The following CCDC171 variants were observed in gnomAD, a reference collection of about 807,000 sequenced individuals.
CCDC171 encodes coiled-coil domain-containing protein 171.
Under a neutral mutation model 168.2 loss-of-function variants are expected in CCDC171, and 177 were observed. The observed-to-expected ratio is 1.05, with a 90% CI of 0.93 to 1.19. The LOEUF (loss-of-function observed/expected upper bound fraction) is 1.19, where lower values mean the gene tolerates loss of function less well. Among genes scored for constraint, CCDC171 ranks in the 50% most tolerant of loss-of-function variants. CCDC171 has a pLI of 0.00. For missense variants in CCDC171, 1,991 were observed against 1,539.0 expected (o/e 1.29, Z -4.91); for synonymous variants, 687 against 540.8 (o/e 1.27, Z -3.75).
In CCDC171 at chr9:15,817,829, C is replaced by T. The variant is rs1406225432; in HGVS notation, c.3268-28873C>T. ...TGCAGACTTAAATGTCCCTGTCTGA[C>T]AGCTTTGAAGAGAGTAGTGGTTCTC... On this transcript the variant is annotated intron_variant, in intron 21 of 25. Coordinates refer to ENST00000380701, the MANE Select transcript of CCDC171 (RefSeq NM_173550.4). Among the ~76,000 whole-genome samples the T allele has an allele frequency of 7.6e-5, 9 of 118,346 alleles. 2 individuals are homozygous for T. Among genetic ancestry groups the T allele is most frequent in the African/African-American group, 2.9e-4 (9 of 31,564 alleles). 77.6% of individuals were successfully genotyped at this position (118,346 alleles called of 152,430 possible).
chr9:15,661,291 A>C (rs1036907051), intron 8 of CCDC171, among the ~76,000 whole-genome samples: 1 of 146,822 alleles, frequency 6.8e-6, no homozygotes, highest in African/African-American at 2.6e-5. Context: ...AAAAAAAAAA[A>C]AAAAAAAAAG....
At position 15,779,673 on chromosome 9, in the gene CCDC171, T is replaced by C. The variant is rs143718122; in HGVS notation, c.3081+523T>C. ...CTGCACCTGGCCTCTTCTCTTCTTA[T>C]ATTGAATATTTTGAGTAAATTAGAT... On this transcript the variant is annotated intron_variant, in intron 20 of 25. Transcript: ENST00000380701. Among the ~76,000 whole-genome samples, 215 of 152,340 alleles carry C rather than the reference T, an allele frequency of 1.4e-3. 2 individuals are homozygous for C. The highest frequency in any genetic ancestry group is 6.8e-3 in the Middle Eastern group (2 of 294).
chr9:15,878,656 C>T (rs1049169434), intron 24 of CCDC171, among the ~76,000 whole-genome samples: 1 of 152,112 alleles, frequency 6.6e-6, no homozygotes, highest in African/African-American at 2.4e-5. Flanking sequence ...ACAAATTGTT[C>T]TACCATAAAG....
chr9:15,943,182 A>G (rs974736776), intron 25 of CCDC171, among the ~76,000 whole-genome samples: 8 of 152,022 alleles, frequency 5.3e-5, no homozygotes, highest in African/African-American at 7.2e-5. Context: ...TGTCACTGAT[A>G]TATTTAATTC....
intron 14 of CCDC171, among the ~76,000 whole-genome samples, chr9:15,725,759 T>C (rs1420460664): frequency 6.6e-6 from 1 of 152,196 alleles, no homozygotes; most frequent in Non-Finnish European, 1.5e-5. Context: ...CTAGTTTCCT[T>C]ATTTGTAAAA....
At chr9:15,852,619 A>G (rs1475229117) in intron 23 of CCDC171, among the ~76,000 whole-genome samples, 1 of 151,670 alleles carries the variant, frequency 6.6e-6, no homozygotes, top group Non-Finnish European at 1.5e-5. Context: ...GCTGCTGCTT[A>G]TGTGTTTGGC....
intron 21 of CCDC171, among the ~76,000 whole-genome samples, chr9:15,809,084 C>T (rs1386792731): frequency 2.0e-5 from 3 of 152,056 alleles, no homozygotes; most frequent in Non-Finnish European, 4.4e-5. Context: ...TCCCAAAAGC[C>T]CCACCTTTTA....
Position 15,745,548 on chromosome 9 carries a change from C to G in CCDC171, c.2588C>G (p.Ala863Gly), listed in dbSNP as rs544298455. 3 of 1,587,988 alleles carry G rather than the reference C, an allele frequency of 1.9e-6. No homozygotes were observed. In the African/African-American group the frequency reaches 4.1e-5, roughly 22 times the overall value. ...AAGGAGCAGTTGCGTTGTTTACAAG[C>G]GCTCAGTTGGCTCACCAGTTCTGAC... The part of the protein sequence containing the change: ...HQKEQLRCLQ[A>G]LSWLTSSDLL... Residue 863 changes from alanine (A) to glycine (G), a missense_variant, in exon 18 of 26, where the codon GCG becomes GGG. Physicochemically the swap from Ala to Gly is moderately conservative, Grantham distance 60. Coordinates refer to ENST00000380701, the MANE Select transcript of CCDC171 (RefSeq NM_173550.4).
At chr9:15,752,768 A>G (rs2055843674) in intron 18 of CCDC171, among the ~76,000 whole-genome samples, 2 of 152,154 alleles carry the variant, frequency 1.3e-5, no homozygotes, top group South Asian at 4.1e-4. Flanking sequence ...GAGGGATAGC[A>G]TTAGGAGAAA....
chr9:15,557,538 T>C (rs1432595696), intron 1 of CCDC171, among the ~76,000 whole-genome samples: 1 of 152,152 alleles, frequency 6.6e-6, no homozygotes, highest in African/African-American at 2.4e-5. Context: ...TTTGGCTTTC[T>C]GTCTGTTATT....
chr9:15,703,150 C>T (rs539824106), intron 11 of CCDC171, among the ~76,000 whole-genome samples: 1 of 152,298 alleles, frequency 6.6e-6, no homozygotes, highest in South Asian at 2.1e-4. Flanking sequence ...AAGCGGTCTG[C>T]CCGCCTTGGC....
chr9:15,683,420 A>T (rs978560955), intron 10 of CCDC171, among the ~76,000 whole-genome samples: 3 of 151,968 alleles, frequency 2.0e-5, no homozygotes, highest in South Asian at 4.1e-4. Flanking sequence ...ATTTTGTAGG[A>T]GGTTTTCAAA....
intron 7 of CCDC171, among the ~76,000 whole-genome samples, chr9:15,648,522 C>T (rs1457474477): frequency 1.3e-5 from 2 of 152,184 alleles, no homozygotes; most frequent in Admixed American, 1.3e-4. Context: ...CCAAAATCTC[C>T]TTAAGCTGAT....
intron 3 of CCDC171, among the ~76,000 whole-genome samples, chr9:15,987,099 C>G (rs543866086): frequency 1.3e-5 from 2 of 152,090 alleles, no homozygotes; most frequent in African/African-American, 4.8e-5. Flanking sequence ...AGGCAAGACT[C>G]CACACCTAAA....
At chr9:15,782,547 G>A (rs1031175777) in intron 20 of CCDC171, among the ~76,000 whole-genome samples, 3 of 152,170 alleles carry the variant, frequency 2.0e-5, no homozygotes, top group Middle Eastern at 3.2e-3. Context: ...AGGAAGTCCT[G>A]CAAAATGGTG....
rs187913440 is a variant in CCDC171, at chr9:15,644,055, A to G, written c.823-13072A>G. On this transcript the variant is annotated intron_variant, in intron 7 of 25. Coordinates refer to ENST00000380701, the MANE Select transcript of CCDC171 (RefSeq NM_173550.4). ...ATAAACTTTTGTGCATAATTTTTTGAATCTGTTTTCATTTCTCTTGGGCAA... is the reference window on the plus strand; with the variant it reads ...ATAAACTTTTGTGCATAATTTTTTGGATCTGTTTTCATTTCTCTTGGGCAA... 4.3e-4 allele frequency among the ~76,000 whole-genome samples: 65 copies of G among 152,190 alleles called. 3 individuals carry two copies. In the East Asian group the frequency reaches 0.012, roughly 29 times the overall value.
chr9:15,858,538 C>G (rs2061430485), intron 23 of CCDC171, among the ~76,000 whole-genome samples: 1 of 106,262 alleles, frequency 9.4e-6, no homozygotes, highest in Non-Finnish European at 2.1e-5. Context: ...AATAAGTCTT[C>G]CAATTCATGA....
At chr9:15,846,597 C>T (rs1277371403) in intron 21 of CCDC171, 105 bp from the exon 22 acceptor site, 1 of 1,176,934 alleles carries the variant, frequency 8.5e-7, no homozygotes, top group Admixed American at 2.3e-5. Flanking sequence ...TGACCCAAGT[C>T]TACTTCTCAG....
intron 8 of CCDC171, among the ~76,000 whole-genome samples, chr9:15,661,050 G>A (rs981452649): frequency 6.6e-5 from 10 of 152,186 alleles, no homozygotes; most frequent in African/African-American, 2.4e-4. Flanking sequence ...GGAGGCCGAG[G>A]CGGGTGGATC....
Sources: gnomAD v4.1 joint callset for allele counts (sites outside exome capture counted in the v4.1 genomes callset) on GRCh38, gnomAD v4.1.1 for gene constraint, MANE v1.5 for transcripts, NCBI Gene and HGNC (gene_info 2026-07-23, HGNC 2026-07-21) for gene names.